Variants in PLD1 observed in about 807,000 individuals in gnomAD.
PLD1 encodes choline phosphatase 1.
In PLD1, 112 loss-of-function variants were observed where a neutral mutation model predicts 137.1. The observed-to-expected ratio is 0.82, with a 90% CI of 0.70 to 0.96. The LOEUF (loss-of-function observed/expected upper bound fraction) is 0.96, where lower values mean the gene tolerates loss of function less well. Among genes scored for constraint, PLD1 ranks in the 40% least tolerant of loss-of-function variants. The pLI is 0.00. For missense variants in PLD1, 1,321 were observed against 1,342.0 expected (o/e 0.98, Z 0.24); for synonymous variants, 431 against 454.7 (o/e 0.95, Z 0.66).
intron 23 of PLD1, among the ~76,000 whole-genome samples, chr3:171,634,788 A>C (rs2108344241): frequency 6.6e-6 from 1 of 152,284 alleles, no homozygotes; most frequent in Non-Finnish European, 1.5e-5. Flanking sequence ...ATTTTATACT[A>C]CAAAATTCTC....
At chr3:171,785,732 C>T (rs973432209) in intron 1 of PLD1, among the ~76,000 whole-genome samples, 1 of 152,160 alleles carries the variant, frequency 6.6e-6, no homozygotes, top group African/African-American at 2.4e-5. Context: ...CCACCACGCC[C>T]AGCCTCCAGT....
At chr3:171,652,710 C>G (rs1736884264) in intron 21 of PLD1, among the ~76,000 whole-genome samples, 1 of 151,326 alleles carries the variant, frequency 6.6e-6, no homozygotes. Context: ...AAGAGATCCT[C>G]CCACCTCAGC....
chr3:171,753,389 G>A (rs1228232813), intron 1 of PLD1, among the ~76,000 whole-genome samples: 6 of 152,134 alleles, frequency 3.9e-5, no homozygotes, highest in African/African-American at 1.2e-4. Flanking sequence ...AAAGAGAGTC[G>A]GTGTGCACCA....
chr3:171,713,960 ATTCT>A lies in PLD1; in HGVS notation c.840_843del (p.Lys280AsnfsTer28), dbSNP rs1560243396. The A allele has an allele frequency of 1.9e-6, 3 of 1,612,576 alleles. No homozygotes were observed. The highest frequency in any genetic ancestry group is 2.5e-6 in the Non-Finnish European group (3 of 1,178,600). ...TCCTTCTTCCCCACCTTAATTTTGA[ATTCT>A]TTGTCTACCAGCAGGACGAAGGCAA... On this transcript the variant is annotated frameshift_variant, in exon 9 of 27. Transcript: ENST00000351298. LOFTEE classifies it high-confidence loss of function.
Position 171,764,887 on chromosome 3 carries a change from GAAAGA to G in PLD1, c.-31-26810_-31-26806del, listed in dbSNP as rs1560288575. Among the ~76,000 whole-genome samples, 116 of 22,432 alleles carry G rather than the reference GAAAGA, an allele frequency of 5.2e-3. 1 individual carries two copies. The highest frequency in any genetic ancestry group is 0.019 in the East Asian group (36 of 1,862). 14.7% of individuals were successfully genotyped at this position (22,432 alleles called of 152,430 possible). A position where few individuals can be genotyped will look rare whatever the true frequency, so the allele number is the denominator to read the frequency against. ...AGAAAGAAAGAAAGAAAGAAAGAAA[GAAAGA>G]AAGGAAGGAAGGAAGGAAGGAAAGA... On this transcript the variant is annotated intron_variant, in intron 1 of 26. Transcript: ENST00000351298.
At chr3:171,797,544 T>A (rs903933998) in intron 1 of PLD1, among the ~76,000 whole-genome samples, 1 of 152,072 alleles carries the variant, frequency 6.6e-6, no homozygotes, top group Non-Finnish European at 1.5e-5. Context: ...CACAGTAGAG[T>A]GTGAGAACCA....
chr3:171,618,858 C>CGTGTGTGTGTGTGT (rs139135798), intron 24 of PLD1, among the ~76,000 whole-genome samples: 1 of 135,490 alleles, frequency 7.4e-6, no homozygotes, highest in African/African-American at 2.6e-5. Context: ...AGTGTGTGTG[C>CGTGTGTGTGTGTGT]GTGTGTGTGT....
intron 7 of PLD1, among the ~76,000 whole-genome samples, chr3:171,725,495 T>C (rs1242905694): frequency 1.3e-5 from 2 of 152,138 alleles, no homozygotes; most frequent in Non-Finnish European, 2.9e-5. Flanking sequence ...AAGGCTAAAC[T>C]TTAAAAAAAA....
At chr3:171,757,417 A>T (rs1390501787) in intron 1 of PLD1, among the ~76,000 whole-genome samples, 1 of 152,186 alleles carries the variant, frequency 6.6e-6, no homozygotes, top group Non-Finnish European at 1.5e-5. Context: ...GTTCCAAAAA[A>T]ATGTAGAAAA....
Position 171,761,961 on chromosome 3 carries a change from T to C in PLD1, c.-31-23879A>G, listed in dbSNP as rs1435596151. Among the ~76,000 whole-genome samples, 7 of 152,236 alleles carry C rather than the reference T, an allele frequency of 4.6e-5. No individual in the cohort carries two copies. The South Asian group carries it at 1.4e-3, about 31-fold the overall frequency. On this transcript the variant is annotated intron_variant, in intron 1 of 26. Coordinates refer to ENST00000351298, the MANE Select transcript of PLD1 (RefSeq NM_002662.5). ...CATGAAAACTGCAAAGGTCTCAGATTAATACAGAAACGTAACTTTGGACTC... is the reference window on the plus strand; with the variant it reads ...CATGAAAACTGCAAAGGTCTCAGATCAATACAGAAACGTAACTTTGGACTC...
intron 1 of PLD1, among the ~76,000 whole-genome samples, chr3:171,784,197 C>G (rs983206816): frequency 6.6e-6 from 1 of 152,170 alleles, no homozygotes. Flanking sequence ...ATCCTCCTGT[C>G]TCAGCTCAAC....
chr3:171,798,831 T>C (rs1723529369), intron 1 of PLD1, among the ~76,000 whole-genome samples: 1 of 152,138 alleles, frequency 6.6e-6, no homozygotes, highest in Non-Finnish European at 1.5e-5. Context: ...CCAAAAGAAC[T>C]TGGCCATTAG....
At chr3:171,623,140 T>A (rs920504055) in intron 23 of PLD1, among the ~76,000 whole-genome samples, 1 of 152,042 alleles carries the variant, frequency 6.6e-6, no homozygotes, top group African/African-American at 2.4e-5. Flanking sequence ...TGTGATCTCA[T>A]TACATTACAT....
intron 9 of PLD1, among the ~76,000 whole-genome samples, chr3:171,711,364 T>G (rs566659940): frequency 3.3e-5 from 5 of 150,354 alleles, no homozygotes; most frequent in Admixed American, 3.3e-4. Context: ...AGCGACAGGG[T>G]TTCACAATAT....
At chr3:171,769,833 CTG>C (rs537098278) in intron 1 of PLD1, among the ~76,000 whole-genome samples, 312 of 152,216 alleles carry the variant, frequency 2.0e-3, no homozygotes, top group Non-Finnish European at 3.2e-3. Context: ...TTCTAATACA[CTG>C]TATTTCGCAG....
Position 171,644,979 on chromosome 3 carries a change from G to C in PLD1, c.2474C>G (p.Pro825Arg). ...YRVYVVIPLL[P>R]GFEGDISTGG... ...GGTTGAAATGTCTCCTTCGAACCCT[G>C]GCAGAAGTGGTATCACGACATATAC... is the stretch of plus-strand genomic sequence containing the variant. Residue 825 changes from proline (P) to arginine (R), a missense_variant, in exon 22 of 27, where the codon CCA (proline) becomes CGA (arginine). By Grantham distance (103) the Pro-to-Arg change is moderately radical (BLOSUM62 -2). Transcript: ENST00000351298. 1 of 1,613,886 alleles carries C rather than the reference G, an allele frequency of 6.2e-7. No individual in the cohort carries two copies. The highest frequency in any genetic ancestry group is 2.2e-5 in the East Asian group (1 of 44,878).
At chr3:171,642,209 C>T (rs935314833) in intron 23 of PLD1, among the ~76,000 whole-genome samples, 1 of 152,028 alleles carries the variant, frequency 6.6e-6, no homozygotes, top group African/African-American at 2.4e-5. Flanking sequence ...AATCCCAGCA[C>T]TTTGGGAGGC....
intron 1 of PLD1, among the ~76,000 whole-genome samples, chr3:171,776,141 A>AAACCC (rs1321921588): frequency 6.6e-6 from 1 of 152,226 alleles, no homozygotes; most frequent in Non-Finnish European, 1.5e-5. Flanking sequence ...GCAGGAACCC[A>AAACCC]AACGTGCCTT....
intron 1 of PLD1, among the ~76,000 whole-genome samples, chr3:171,783,463 G>C (rs923470939): frequency 1.3e-5 from 2 of 152,114 alleles, no homozygotes; most frequent in East Asian, 3.9e-4. Flanking sequence ...GGCATTAATG[G>C]AAAGTAAAAA....
Sources: allele counts gnomAD v4.1 joint callset (sites outside exome capture counted in the v4.1 genomes callset), GRCh38; gene constraint gnomAD v4.1.1; transcripts MANE v1.5; gene names NCBI Gene and HGNC (gene_info 2026-07-23, HGNC 2026-07-21).